Variants in BBX observed in about 807,000 individuals in gnomAD.
The protein encoded by BBX is HMG box transcription factor BBX.
BBX carries 30 observed loss-of-function variants against 100.2 expected under a neutral mutation model. The observed-to-expected ratio is 0.30, with a 90% CI of 0.22 to 0.41. The LOEUF is 0.41. BBX is among the 10% of genes least tolerant of loss of function. The pLI, the probability that BBX is intolerant of heterozygous loss-of-function variation, is 1.00. For missense variants in BBX, 1,023 were observed against 1,129.8 expected (o/e 0.91, Z 1.35); for synonymous variants, 376 against 388.1 (o/e 0.97, Z 0.37).
intron 3 of BBX, among the ~76,000 whole-genome samples, chr3:107,706,467 G>T (rs954091128): frequency 1.0e-4 from 15 of 150,446 alleles, no homozygotes; most frequent in African/African-American, 2.7e-4. Context: ...ACATGGGTTG[G>T]TTTTTTTTTC....
intron 2 of BBX, among the ~76,000 whole-genome samples, chr3:107,539,699 C>T (rs1193065579): frequency 1.3e-5 from 2 of 151,800 alleles, no homozygotes; most frequent in Admixed American, 6.6e-5. Flanking sequence ...ATGTGTATAT[C>T]GAAATATAAA....
At chr3:107,541,382 T>G (rs2048850342) in intron 2 of BBX, among the ~76,000 whole-genome samples, 1 of 152,186 alleles carries the variant, frequency 6.6e-6, no homozygotes, top group Admixed American at 6.5e-5. Context: ...GTAGCAGTGG[T>G]GAAGAAAATC....
At chr3:107,562,662 A>C (rs1339873850) in intron 2 of BBX, among the ~76,000 whole-genome samples, 1 of 152,184 alleles carries the variant, frequency 6.6e-6, no homozygotes, top group South Asian at 2.1e-4. Context: ...TTCCTTAAGC[A>C]GGCTTACAAA....
intron 17 of BBX, 31 bp from the exon 18 acceptor site, chr3:107,805,339 T>G (rs1208565848): frequency 1.3e-6 from 2 of 1,595,334 alleles, no homozygotes; most frequent in Non-Finnish European, 1.7e-6. Context: ...ATATGCTGAA[T>G]AAGTGACTTT....
chr3:107,801,500 G>T (rs899563676), intron 17 of BBX, among the ~76,000 whole-genome samples: 1 of 152,192 alleles, frequency 6.6e-6, no homozygotes, highest in Non-Finnish European at 1.5e-5. Context: ...ATGTTATCCT[G>T]TGGCTAAACT....
At position 107,728,881 on chromosome 3, in the gene BBX, A is replaced by T; in HGVS notation, c.522A>T (p.Pro174=). The T allele has an allele frequency of 1.2e-6, 2 of 1,613,962 alleles. No homozygotes were observed. The highest frequency in any genetic ancestry group is 1.7e-6 in the Non-Finnish European group (2 of 1,179,890). Residue 174 remains proline (P), a synonymous_variant, in exon 6 of 18, where the codon CCA becomes CCT. Transcript: ENST00000325805. ...CACGAAAGAAACTTTGGGCCTTCCC[A>T]TCTGACTCTTCAAGAGACTTGCCAA... ...VNPRKKLWAF[P]SDSSRDLPSP...
At chr3:107,715,845 G>A (rs2062063110) in intron 4 of BBX, among the ~76,000 whole-genome samples, 1 of 152,232 alleles carries the variant, frequency 6.6e-6, no homozygotes, top group African/African-American at 2.4e-5. Flanking sequence ...TGAATGAAGT[G>A]TAGGATAAAA....
At chr3:107,682,769 C>G (rs1212991687) in intron 3 of BBX, among the ~76,000 whole-genome samples, 1 of 152,134 alleles carries the variant, frequency 6.6e-6, no homozygotes, top group Non-Finnish European at 1.5e-5. Flanking sequence ...CAAAAAGGCT[C>G]ATTTGCTGCA....
At chr3:107,654,691 T>TTTTG (rs767156831) in intron 3 of BBX, among the ~76,000 whole-genome samples, 1 of 152,090 alleles carries the variant, frequency 6.6e-6, no homozygotes, top group Non-Finnish European at 1.5e-5. Flanking sequence ...TTTGTTTTGT[T>TTTTG]TTTGTTTGTT....
At chr3:107,747,371 A>G (rs1308872599) in intron 8 of BBX, among the ~76,000 whole-genome samples, 1 of 152,070 alleles carries the variant, frequency 6.6e-6, no homozygotes, top group Non-Finnish European at 1.5e-5. Context: ...ATTTTTTTTC[A>G]CCATAATCCT....
Position 107,747,982 on chromosome 3 carries a change from C to T in BBX, c.768C>T (p.Ser256=). 1 of 1,612,878 alleles carries T rather than the reference C, an allele frequency of 6.2e-7. No homozygotes were observed. The highest frequency in any genetic ancestry group is 8.5e-7 in the Non-Finnish European group (1 of 1,179,326). The change falls in exon 9 of 18, where the codon TCC becomes TCT. Residue 256 remains serine, a synonymous_variant. Transcript: ENST00000325805. ...CCTTTCAGATATCTTCAAGTACGTC[C>T]CACTCTGATGCTTCTACAAAGCAGT... ...FQFAEISSST[S]HSDASTKQCQ... is the part of the protein sequence containing the mutation.
intron 12 of BBX, 95 bp from the exon 13 acceptor site, chr3:107,778,276 T>A: frequency 6.9e-7 from 1 of 1,459,268 alleles, no homozygotes; most frequent in South Asian, 1.2e-5. Flanking sequence ...CCAGAGACCC[T>A]GTTTTCAAAT....
chr3:107,782,552 C>T (rs756281706), intron 13 of BBX, among the ~76,000 whole-genome samples: 12 of 152,032 alleles, frequency 7.9e-5, no homozygotes, highest in African/African-American at 7.2e-5. Context: ...GAGAAAGTAT[C>T]GTGCTAGGCT....
intron 2 of BBX, among the ~76,000 whole-genome samples, chr3:107,582,201 AAAT>A (rs2052332836): frequency 6.6e-6 from 1 of 151,370 alleles, no homozygotes; most frequent in East Asian, 1.9e-4. Flanking sequence ...ATATTAAGCA[AAAT>A]AATATTATAT....
rs1352538521 is a variant in BBX, at chr3:107,810,170, G to T, written c.*4713G>T. ...TCCCTCATAATCCCCATCTGTATGT[G>T]CTACCCTTCCTTCAAATATATAAAT... On this transcript the variant is annotated 3_prime_UTR_variant, in exon 18 of 18. Transcript: ENST00000325805. The T allele has an allele frequency of 2.0e-5, 3 of 148,730 alleles. No individual in the cohort carries two copies. The highest frequency in any genetic ancestry group is 7.5e-5 in the African/African-American group (3 of 40,142). 9.2% of individuals were successfully genotyped at this position (148,730 alleles called of 1,614,324 possible).
chr3:107,746,773 C>T (rs1268866031), intron 8 of BBX, among the ~76,000 whole-genome samples: 1 of 152,092 alleles, frequency 6.6e-6, no homozygotes, highest in Non-Finnish European at 1.5e-5. Flanking sequence ...CTTTCCCATT[C>T]CTAAACATCA....
chr3:107,793,654 A>G (rs2069292036), intron 15 of BBX, among the ~76,000 whole-genome samples: 1 of 152,204 alleles, frequency 6.6e-6, no homozygotes, highest in East Asian at 1.9e-4. Flanking sequence ...GCAATAATAT[A>G]GAATAATTTA....
chr3:107,789,756 T>C, intron 13 of BBX, 31 bp from the exon 14 acceptor site: 1 of 1,347,490 alleles, frequency 7.4e-7, no homozygotes, highest in Non-Finnish European at 1.0e-6. Flanking sequence ...ATTGTGAATT[T>C]AAAATATATT....
intron 12 of BBX, among the ~76,000 whole-genome samples, chr3:107,777,924 TTAA>T (rs1348618549): frequency 3.3e-5 from 5 of 152,114 alleles, no homozygotes; most frequent in African/African-American, 7.2e-5. Context: ...AGCTTGATTA[TTAA>T]TAATAAGCTT....
Sources: allele counts gnomAD v4.1 joint callset (sites outside exome capture counted in the v4.1 genomes callset), GRCh38; gene constraint gnomAD v4.1.1; transcripts MANE v1.5; gene names NCBI Gene and HGNC (gene_info 2026-07-23, HGNC 2026-07-21).